PIEZO1: variants seen among roughly 807,000 people sequenced by gnomAD.
PIEZO1 encodes the protein piezo-type mechanosensitive ion channel component 1.
Under a neutral mutation model 297.2 loss-of-function variants are expected in PIEZO1, and 296 were observed. The observed-to-expected ratio is 1.00, with a 90% CI of 0.91 to 1.10. The LOEUF (loss-of-function observed/expected upper bound fraction) is 1.10. PIEZO1 is among the 50% of genes least tolerant of loss of function. The probability of loss-of-function intolerance (pLI) is 0.00; values close to 1 mark genes in which losing one functional copy is unlikely to be tolerated. For synonymous variants in PIEZO1, 2,427 were observed against 1,507.5 expected, an observed-to-expected ratio of 1.61 and a Z score of -14.13; for missense variants, 5,018 against 3,455.5, an observed-to-expected ratio of 1.45 and a Z score of -11.34.
chr16:88,732,023 C>T (rs1044518025), intron 21 of PIEZO1, 113 bp from the exon 22 acceptor site: 3 of 25,658 alleles, frequency 1.2e-4, no homozygotes, highest in East Asian at 1.2e-3. Flanking sequence ...AGGCTGCGGG[C>T]ATCAAGCAAG....
intron 25 of PIEZO1, 35 bp from the exon 26 acceptor site, chr16:88,726,678 C>T (rs1567666238): frequency 3.9e-6 from 6 of 1,546,796 alleles, no homozygotes; most frequent in Admixed American, 2.0e-5. Context: ...GCCAGCGGGG[C>T]CCCAGGGCGG....
intron 1 of PIEZO1, among the ~76,000 whole-genome samples, chr16:88,757,331 G>T (rs201097487): frequency 4.3e-5 from 5 of 117,312 alleles, no homozygotes; most frequent in African/African-American, 1.7e-4. Flanking sequence ...GGGGGGTGGG[G>T]GGTAGTTACC....
At chr16:88,777,399 A>T (rs1907714878) in intron 1 of PIEZO1, among the ~76,000 whole-genome samples, 1 of 151,428 alleles carries the variant, frequency 6.6e-6, no homozygotes, top group South Asian at 2.1e-4. Context: ...TGGCCCGCAG[A>T]CACATTGCAG....
chr16:88,749,057 G>A (rs1315120040), intron 2 of PIEZO1, among the ~76,000 whole-genome samples: 12 of 151,292 alleles, frequency 7.9e-5, no homozygotes, highest in South Asian at 6.3e-4. Context: ...CTATCACGGT[G>A]AAACCCCGTC....
intron 1 of PIEZO1, among the ~76,000 whole-genome samples, chr16:88,749,815 G>A (rs899338589): frequency 6.6e-6 from 1 of 152,168 alleles, no homozygotes; most frequent in African/African-American, 2.4e-5. Context: ...ATCACTTGAG[G>A]TCAGGAGTTC....
rs370659466 is a variant in PIEZO1 at position 88,727,068 on chromosome 16, G to A, written c.3426C>T (p.Pro1142=). 6.5e-6 allele frequency: 10 copies of A among 1,549,388 alleles called. No homozygotes were observed. The highest frequency in any genetic ancestry group is 1.4e-5 in the African/African-American group (1 of 73,038). ...TDRLEPLRGE[P]NPVPNFIHCR... ...AGTGGATAAAGTTGGGCACGGGGTT[G>A]GGCTCCCCCCGCAGCGGCTCCAGGC... is the stretch of plus-strand genomic sequence containing the variant. Residue 1142 remains proline (P), a synonymous_variant, in exon 24 of 51, where the codon CCC becomes CCT. Transcript: ENST00000301015.
Position 88,721,911 on chromosome 16 carries a change from G to T in PIEZO1, c.5111C>A (p.Ser1704Tyr), listed in dbSNP as rs1316283291. The stretch of plus-strand genomic sequence containing the variant: ...CACGGGCAGCACCAGCGAGCCGGCG[G>T]AGGCCGTGACCATGTGGTTGAGGAT... ...IIILNHMVTA[S>Y]AGSLVLPVLV... is the part of the protein sequence containing the mutation. Residue 1704 changes from serine (S) to tyrosine (Y), a missense_variant, in exon 37 of 51, where the codon TCC becomes TAC. Coordinates refer to ENST00000301015, the MANE Select transcript of PIEZO1 (RefSeq NM_001142864.4). The T allele has an allele frequency of 1.3e-6, 2 of 1,550,088 alleles. No homozygotes were observed. Among genetic ancestry groups the T allele is most frequent in the Non-Finnish European group, 1.7e-6 (2 of 1,146,840 alleles).
At chr16:88,752,427 A>T (rs1016163912) in intron 1 of PIEZO1, among the ~76,000 whole-genome samples, 11 of 152,236 alleles carry the variant, frequency 7.2e-5, no homozygotes, top group African/African-American at 2.7e-4. Flanking sequence ...GGCCGCAGTG[A>T]GCCATGATCA....
intron 29 of PIEZO1, 72 bp from the exon 30 acceptor site, chr16:88,725,152 G>T: frequency 9.2e-7 from 1 of 1,081,112 alleles, no homozygotes; most frequent in Non-Finnish European, 1.3e-6. Flanking sequence ...GAGTGCTCCC[G>T]TCTTGGAGAC....
Position 88,737,967 on chromosome 16 carries a change from CAG to C in PIEZO1, c.985_986del (p.Leu329AlafsTer20). ...LLLLCYATASLRKLRAYRPSG... is the reference protein window; with the variant it reads ...LLLLCYATASXRKLRAYRPSG... Reference sequence around the variant, plus strand: ...AGGGGCGGTACGCGCGGAGCTTGCGCAGAGAGGCCGTGGCGTAGCACAGCAGC... The same window carrying C: ...AGGGGCGGTACGCGCGGAGCTTGCGCAGAGGCCGTGGCGTAGCACAGCAGC... On this transcript the variant is annotated frameshift_variant, in exon 8 of 51. Coordinates refer to ENST00000301015, the MANE Select transcript of PIEZO1 (RefSeq NM_001142864.4). LOFTEE classifies it high-confidence loss of function. 1 of 1,533,430 alleles carries C rather than the reference CAG, an allele frequency of 6.5e-7. No homozygotes were observed. The highest frequency in any genetic ancestry group is 8.7e-7 in the Non-Finnish European group (1 of 1,145,438). The allele number at this position is 1,533,430 out of a possible 1,614,324, so 95.0% of individuals were successfully genotyped here.
At chr16:88,724,331 G>C (rs559004482) in intron 30 of PIEZO1, among the ~76,000 whole-genome samples, 1 of 152,330 alleles carries the variant, frequency 6.6e-6, no homozygotes, top group Non-Finnish European at 1.5e-5. Flanking sequence ...AGAGGTTCGA[G>C]ACCAGCCTGG....
rs1905873275 is a variant in PIEZO1 at position 88,744,019 on chromosome 16, C to A, written c.161-1597G>T. 1.9e-5 allele frequency: 4 copies of A among 205,634 alleles called. No individual in the cohort carries two copies. In the South Asian group the frequency reaches 2.7e-4, roughly 14 times the overall value. The allele number at this position is 205,634 out of a possible 1,614,324, so 12.7% of individuals were successfully genotyped here. ...CAGGACCTTCCAGGGCCTCCCTGCC[C>A]CGAACCCATAGGTGCCAGGCTTCTC... On this transcript the variant is annotated intron_variant, in intron 2 of 50. Coordinates refer to ENST00000301015, the MANE Select transcript of PIEZO1 (RefSeq NM_001142864.4).
intron 1 of PIEZO1, among the ~76,000 whole-genome samples, chr16:88,770,777 C>T (rs1027184948): frequency 6.6e-6 from 1 of 152,232 alleles, no homozygotes; most frequent in Admixed American, 6.5e-5. Context: ...CCGGGCCAGG[C>T]GTCCTCCACT....
rs72813506 is a variant in PIEZO1, at chr16:88,738,168, C to T, written c.848+59G>A. ...AGGCAGTGGGGCCACAGGGGCTAGACGAGCCAGGTGGGCGGGACCAGGGTG... is the reference window on the plus strand; with the variant it reads ...AGGCAGTGGGGCCACAGGGGCTAGATGAGCCAGGTGGGCGGGACCAGGGTG... On this transcript the variant is annotated intron_variant, in intron 7 of 50. Transcript: ENST00000301015. 0.031 allele frequency: 47,723 copies of T among 1,533,910 alleles called. 896 individuals carry two copies. The highest frequency in any genetic ancestry group is 0.038 in the Non-Finnish European group (42,961 of 1,145,212).
rs1031647624 is a variant in PIEZO1 at position 88,725,566 on chromosome 16, C to T, written c.4058+29G>A. On this transcript the variant is annotated intron_variant, in intron 28 of 50. Coordinates refer to ENST00000301015, the MANE Select transcript of PIEZO1 (RefSeq NM_001142864.4). Reference sequence around the variant, plus strand: ...TATGCTGAGCATTGGGGGGAGGAGCCGGGGAGTCCCCGCCCCAGAGGCACC... The same window carrying T: ...TATGCTGAGCATTGGGGGGAGGAGCTGGGGAGTCCCCGCCCCAGAGGCACC... 1.6e-5 allele frequency: 24 copies of T among 1,532,528 alleles called. No homozygotes were observed. The highest frequency in any genetic ancestry group is 1.7e-4 in the Middle Eastern group (1 of 5,966). 94.9% of individuals were successfully genotyped at this position (1,532,528 alleles called of 1,614,324 possible).
intron 1 of PIEZO1, among the ~76,000 whole-genome samples, chr16:88,773,086 G>C (rs1325297641): frequency 1.3e-5 from 2 of 152,222 alleles, no homozygotes; most frequent in Non-Finnish European, 2.9e-5. Context: ...GCTGTGCTCT[G>C]GAAGCAGCAA....
At chr16:88,742,164 G>A (rs2142844367) in intron 3 of PIEZO1, 69 bp from the exon 4 acceptor site, 2 of 1,525,496 alleles carry the variant, frequency 1.3e-6, no homozygotes, top group Non-Finnish European at 1.8e-6. Flanking sequence ...GTCATCCCTG[G>A]AGCGTTTCAC....
At chr16:88,765,754 A>G (rs1907147680) in intron 1 of PIEZO1, among the ~76,000 whole-genome samples, 1 of 150,658 alleles carries the variant, frequency 6.6e-6, no homozygotes, top group Non-Finnish European at 1.5e-5. Context: ...GCGCACTACA[A>G]CCTCTACCTC....
At position 88,727,067 on chromosome 16, in the gene PIEZO1, T is replaced by G; in HGVS notation, c.3427A>C (p.Asn1143His). 1.3e-6 allele frequency: 2 copies of G among 1,549,454 alleles called. No homozygotes were observed. The highest frequency in any genetic ancestry group is 1.7e-6 in the Non-Finnish European group (2 of 1,146,308). Residue 1143 changes from asparagine to histidine, a missense_variant, in exon 24 of 51, where the codon AAC (asparagine) becomes CAC (histidine). Asn to His is a moderately conservative substitution (Grantham distance 68). Coordinates refer to ENST00000301015, the MANE Select transcript of PIEZO1 (RefSeq NM_001142864.4). The stretch of plus-strand genomic sequence containing the variant: ...CAGTGGATAAAGTTGGGCACGGGGT[T>G]GGGCTCCCCCCGCAGCGGCTCCAGG... ...DRLEPLRGEP[N>H]PVPNFIHCRS... is the part of the protein sequence containing the mutation.
Sources: gnomAD v4.1 joint callset for allele counts (sites outside exome capture counted in the v4.1 genomes callset) on GRCh38, gnomAD v4.1.1 for gene constraint, MANE v1.5 for transcripts, NCBI Gene and HGNC (gene_info 2026-07-23, HGNC 2026-07-21) for gene names.